INPP4B: variants seen among roughly 807,000 people sequenced by gnomAD.
INPP4B encodes inositol polyphosphate 4-phosphatase type II.
In INPP4B, 55 loss-of-function variants were observed where a neutral mutation model predicts 122.5. The ratio of observed to expected loss-of-function variants is 0.45; its 90% CI spans 0.36 to 0.56. The LOEUF is 0.56. INPP4B is among the 20% of genes least tolerant of loss of function. INPP4B has a pLI of 0.00. For synonymous variants in INPP4B, 403 were observed against 388.7 expected, an observed-to-expected ratio of 1.04 and a Z score of -0.43; for missense variants, 1,000 against 1,097.7, an observed-to-expected ratio of 0.91 and a Z score of 1.26.
intron 7 of INPP4B, among the ~76,000 whole-genome samples, chr4:142,321,111 A>G (rs1320107734): frequency 2.0e-5 from 3 of 152,198 alleles, no homozygotes; most frequent in Non-Finnish European, 4.4e-5. Flanking sequence ...TCTTTTTACC[A>G]CATCCACACC....
At chr4:142,137,322 G>A in intron 18 of INPP4B, among the ~76,000 whole-genome samples, 1 of 141,286 alleles carries the variant, frequency 7.1e-6, no homozygotes, top group African/African-American at 2.7e-5. Context: ...TGGGAAAACT[G>A]GCTAGCCATA....
Position 142,405,331 on chromosome 4 carries a change from A to G in INPP4B, c.137-7T>C. On this transcript the variant is annotated splice_polypyrimidine_tract_variant and splice_region_variant and intron_variant, in intron 5 of 25. Coordinates refer to ENST00000262992, the MANE Select transcript of INPP4B (RefSeq NM_001101669.3). ...GCCACGAGATCCTTGCATGCTGGCA[A>G]CGGCAGAGGAGACAGAAAGAAAAGA... 6.6e-7 allele frequency: 1 copy of G among 1,521,916 alleles called. No individual in the cohort carries two copies. The highest frequency in any genetic ancestry group is 9.1e-7 in the Non-Finnish European group (1 of 1,096,668). The allele number at this position is 1,521,916 out of a possible 1,614,324, so 94.3% of individuals were successfully genotyped here.
chr4:142,595,588 G>A (rs1256102116), intron 2 of INPP4B, among the ~76,000 whole-genome samples: 2 of 152,174 alleles, frequency 1.3e-5, no homozygotes, highest in Non-Finnish European at 2.9e-5. Flanking sequence ...GAGAAGAAGA[G>A]AGAGTACTAT....
At chr4:142,535,386 G>A (rs1443999830) in intron 2 of INPP4B, among the ~76,000 whole-genome samples, 2 of 152,122 alleles carry the variant, frequency 1.3e-5, no homozygotes, top group Non-Finnish European at 2.9e-5. Flanking sequence ...CCTGTACTTT[G>A]GGCAATTCAC....
intron 2 of INPP4B, among the ~76,000 whole-genome samples, chr4:142,637,134 A>T (rs1326742336): frequency 2.0e-5 from 3 of 152,152 alleles, no homozygotes; most frequent in Non-Finnish European, 4.4e-5. Flanking sequence ...AACTTCATCC[A>T]TTATCAACAT....
chr4:142,475,808 G>C (rs908190695), intron 2 of INPP4B, among the ~76,000 whole-genome samples: 3 of 152,100 alleles, frequency 2.0e-5, no homozygotes, highest in African/African-American at 7.2e-5. Context: ...AAAACCAACA[G>C]AGAAGAAAGA....
At chr4:142,556,792 G>A (rs1198082103) in intron 2 of INPP4B, among the ~76,000 whole-genome samples, 1 of 152,184 alleles carries the variant, frequency 6.6e-6, no homozygotes, top group African/African-American at 2.4e-5. Context: ...CAGTAGCAGG[G>A]ATAGGGGCCT....
At chr4:142,520,870 G>T (rs1580271368) in intron 2 of INPP4B, among the ~76,000 whole-genome samples, 1 of 151,886 alleles carries the variant, frequency 6.6e-6, no homozygotes, top group Non-Finnish European at 1.5e-5. Context: ...CAAAGTTTTG[G>T]CATAAATATA....
intron 14 of INPP4B, among the ~76,000 whole-genome samples, chr4:142,193,634 A>C (rs1836933862): frequency 6.6e-6 from 1 of 152,176 alleles, no homozygotes; most frequent in Admixed American, 6.6e-5. Flanking sequence ...AAGCATTTTG[A>C]CTCAAGGGCA....
At chr4:142,057,462 C>G (rs1219061063) in intron 25 of INPP4B, among the ~76,000 whole-genome samples, 1 of 151,524 alleles carries the variant, frequency 6.6e-6, no homozygotes, top group African/African-American at 2.4e-5. Flanking sequence ...AAGATAAATT[C>G]TAAGTAGGTA....
intron 12 of INPP4B, among the ~76,000 whole-genome samples, chr4:142,236,420 A>G (rs1225599138): frequency 6.6e-6 from 1 of 152,144 alleles, no homozygotes; most frequent in African/African-American, 2.4e-5. Context: ...TTGAAAACCC[A>G]CTTCAGGATA....
chr4:142,817,915 T>C (rs535263012), intron 1 of INPP4B, among the ~76,000 whole-genome samples: 1 of 152,074 alleles, frequency 6.6e-6, no homozygotes, highest in Non-Finnish European at 1.5e-5. Flanking sequence ...TTAGATAAAC[T>C]TAGCTGTGTG....
rs2150392277 is a variant in INPP4B at position 142,625,124 on chromosome 4, C to G, written c.-191+100715G>C. Among the ~76,000 whole-genome samples, 3 of 150,740 alleles carry G rather than the reference C, an allele frequency of 2.0e-5. No homozygotes were observed. The South Asian group carries it at 6.4e-4, about 32-fold the overall frequency. On this transcript the variant is annotated intron_variant, in intron 2 of 25. Transcript: ENST00000262992. ...CCTATTCAACATAGTGTTGGAAGTT[C>G]TGGCCAGGGCAATTAGGCAGGAGAA...
At chr4:142,796,920 G>A (rs1393265005) in intron 1 of INPP4B, among the ~76,000 whole-genome samples, 2 of 145,936 alleles carry the variant, frequency 1.4e-5, no homozygotes, top group African/African-American at 2.6e-5. Context: ...GTGTGTCTGT[G>A]TGTAATAGCA....
chr4:142,562,929 A>G lies in INPP4B; in HGVS notation c.-190-100203T>C, dbSNP rs558040909. 3.9e-5 allele frequency among the ~76,000 whole-genome samples: 6 copies of G among 152,294 alleles called. No homozygotes were observed. The South Asian group carries it at 8.3e-4, about 21-fold the overall frequency. On this transcript the variant is annotated intron_variant, in intron 2 of 25. Transcript: ENST00000262992. ...CCAGAATGACTGTGGAAATTGGGAT[A>G]CAAAGGTACAGACGTCAATAATAAA...
chr4:142,048,291 C>T (rs1287196498), intron 25 of INPP4B, among the ~76,000 whole-genome samples: 1 of 152,100 alleles, frequency 6.6e-6, no homozygotes, highest in Non-Finnish European at 1.5e-5. Context: ...ATAGTACTTG[C>T]ACACATGGCC....
At chr4:142,616,281 T>A (rs548769386) in intron 2 of INPP4B, among the ~76,000 whole-genome samples, 1 of 152,228 alleles carries the variant, frequency 6.6e-6, no homozygotes, top group South Asian at 2.1e-4. Context: ...ATGAGATTCC[T>A]AGAGAGGGAG....
At chr4:142,328,015 A>C (rs1390282764) in intron 7 of INPP4B, among the ~76,000 whole-genome samples, 1 of 152,208 alleles carries the variant, frequency 6.6e-6, no homozygotes, top group Non-Finnish European at 1.5e-5. Flanking sequence ...CAAAGATCCC[A>C]GTTTTCCTGA....
At chr4:142,411,242 G>A (rs898984318) in intron 5 of INPP4B, among the ~76,000 whole-genome samples, 5 of 152,174 alleles carry the variant, frequency 3.3e-5, no homozygotes, top group African/African-American at 7.2e-5. Context: ...TAACTAGGAG[G>A]TTAGGGTTCC....
Sources: allele counts gnomAD v4.1 joint callset (sites outside exome capture counted in the v4.1 genomes callset), GRCh38; gene constraint gnomAD v4.1.1; transcripts MANE v1.5; gene names NCBI Gene and HGNC (gene_info 2026-07-23, HGNC 2026-07-21).